The following CAMSAP1 variants were observed in gnomAD, a reference collection of about 807,000 sequenced individuals.
CAMSAP1 encodes the protein calmodulin regulated spectrin associated protein 1, also known as calmodulin-regulated spectrin-associated protein 1.
A neutral mutation model predicts 143.5 loss-of-function variants in CAMSAP1; 58 were observed. The observed-to-expected ratio is 0.40, with a 90% CI of 0.33 to 0.50. CAMSAP1 has a LOEUF of 0.50. CAMSAP1 is among the 20% of genes least tolerant of loss of function. The pLI, the probability that CAMSAP1 is intolerant of heterozygous loss-of-function variation, is 0.45. For synonymous variants in CAMSAP1, 945 were observed against 859.3 expected, an observed-to-expected ratio of 1.10 and a Z score of -1.74; for missense variants, 1,969 against 2,115.7, an observed-to-expected ratio of 0.93 and a Z score of 1.36.
At chr9:135,862,396 T>G (rs1262953049) in intron 5 of CAMSAP1, 71 bp downstream of exon 5, 1 of 1,432,142 alleles carries the variant, frequency 7.0e-7, no homozygotes, top group Non-Finnish European at 9.4e-7. Context: ...AATATATATG[T>G]GGATCAATGT....
intron 3 of CAMSAP1, among the ~76,000 whole-genome samples, chr9:135,874,478 A>AAGGGG (rs534724683): frequency 4.1e-5 from 4 of 98,230 alleles, no homozygotes; most frequent in African/African-American, 1.7e-4. Context: ...GTCTCAAAAA[A>AAGGGG]GGGGGGGGGG....
At chr9:135,900,432 G>A (rs890509916) in intron 1 of CAMSAP1, among the ~76,000 whole-genome samples, 16 of 152,032 alleles carry the variant, frequency 1.1e-4, no homozygotes, top group African/African-American at 2.9e-4. Context: ...GGTGGCTCAC[G>A]CCTGTAATCC....
intron 3 of CAMSAP1, among the ~76,000 whole-genome samples, chr9:135,876,678 T>C (rs923388483): frequency 3.4e-4 from 52 of 152,188 alleles, no homozygotes; most frequent in Non-Finnish European, 4.4e-4. Context: ...ACTTATCACA[T>C]GACCCAGAGA....
rs567747153 is a variant in CAMSAP1, at chr9:135,906,439, G to A, written c.160+561C>T. Among the ~76,000 whole-genome samples the A allele has an allele frequency of 3.7e-4, 56 of 152,330 alleles. 1 individual carries two copies. In the South Asian group the frequency reaches 9.1e-3, roughly 25 times the overall value. ...AAGCACATTAGGGCCTAACAAACTGGACTGAGTAACAAGGTTACCTAGTTC... is the reference window on the plus strand; with the variant it reads ...AAGCACATTAGGGCCTAACAAACTGAACTGAGTAACAAGGTTACCTAGTTC... On this transcript the variant is annotated intron_variant, in intron 1 of 16. Transcript: ENST00000389532.
chr9:135,869,522 C>A (rs1172229008), intron 3 of CAMSAP1, among the ~76,000 whole-genome samples: 80 of 148,364 alleles, frequency 5.4e-4, no homozygotes, highest in Admixed American at 2.9e-3. Flanking sequence ...AAAAAAAAAA[C>A]AGCCAGAAAA....
intron 14 of CAMSAP1, among the ~76,000 whole-genome samples, chr9:135,816,496 T>G (rs1835234320): frequency 1.3e-5 from 2 of 152,146 alleles, no homozygotes; most frequent in South Asian, 4.1e-4. Context: ...CAGGGAAGTC[T>G]CCACTGAGCA....
At chr9:135,877,115 G>A (rs1837776445) in intron 3 of CAMSAP1, among the ~76,000 whole-genome samples, 1 of 152,168 alleles carries the variant, frequency 6.6e-6, no homozygotes. Context: ...CAGGTGGACA[G>A]ATAAACGAAC....
chr9:135,907,189 G>C lies in CAMSAP1; in HGVS notation c.-30C>G. 1.9e-6 allele frequency: 2 copies of C among 1,066,492 alleles called. No homozygotes were observed. The highest frequency in any genetic ancestry group is 2.3e-6 in the Non-Finnish European group (2 of 882,150). The allele number at this position is 1,066,492 out of a possible 1,614,324, so 66.1% of individuals were successfully genotyped here. ...AGACAAAGGGCTGAGGCGGCGGCCC[G>C]GCCGCAACAAAGGCGCCGCCGCCCC... On this transcript the variant is annotated 5_prime_UTR_variant, in exon 1 of 17. Transcript: ENST00000389532.
rs1474217967 is a variant in CAMSAP1, at chr9:135,815,975, C to A, written c.4302G>T (p.Leu1434=). 1 of 1,613,664 alleles carries A rather than the reference C, an allele frequency of 6.2e-7. No individual in the cohort carries two copies. Among genetic ancestry groups the A allele is most frequent in the Non-Finnish European group, 8.5e-7 (1 of 1,179,904 alleles). The change falls in exon 15 of 17, where the codon CTG becomes CTT. Residue 1434 remains leucine (L), a synonymous_variant. Transcript: ENST00000389532. ...RVESMEALPI[L]SRNPSRSTDR... is the part of the protein sequence containing the mutation. ...CTGTGCTCCTGCTTGGGTTACGGCTCAGTATGGGCAGGGCTTCCATCGATT... is the reference window on the plus strand; with the variant it reads ...CTGTGCTCCTGCTTGGGTTACGGCTAAGTATGGGCAGGGCTTCCATCGATT...
chr9:135,868,609 A>ATTT (rs767495608), intron 3 of CAMSAP1, among the ~76,000 whole-genome samples: 25 of 93,476 alleles, frequency 2.7e-4, no homozygotes, highest in African/African-American at 6.0e-4. Context: ...GAGATTGGCA[A>ATTT]TTTTTTTTTT....
chr9:135,879,094 G>A (rs890654685), intron 3 of CAMSAP1, among the ~76,000 whole-genome samples: 1 of 152,170 alleles, frequency 6.6e-6, no homozygotes, highest in African/African-American at 2.4e-5. Flanking sequence ...GGAATGAGGA[G>A]GAGGGGAGTG....
rs1835301166 is a variant in CAMSAP1 at position 135,818,054 on chromosome 9, T to G, written c.4194A>C (p.Ser1398=). The change falls in exon 14 of 17, where the codon TCA becomes TCC. Residue 1398 remains serine, a synonymous_variant. Coordinates refer to ENST00000389532, the MANE Select transcript of CAMSAP1 (RefSeq NM_015447.4). The surrounding 1 kb of genome is among the most constrained non-coding windows in gnomAD (Gnocchi z 7.7). ...CAGAGGCCAAGGACAGGCTGGAGCC[T>G]GACTGAGTCCGGCTCAAGTTATCAG... ...STPDNLSRTQ[S]GSSLSLASAA... The G allele has an allele frequency of 6.2e-7, 1 of 1,613,770 alleles. No homozygotes were observed. The highest frequency in any genetic ancestry group is 8.5e-7 in the Non-Finnish European group (1 of 1,179,834).
At position 135,818,014 on chromosome 9, in the gene CAMSAP1, G is replaced by A. The variant is rs1459047387; in HGVS notation, c.4234C>T (p.Pro1412Ser). The A allele has an allele frequency of 6.2e-7, 1 of 1,613,820 alleles. No homozygotes were observed. The highest frequency in any genetic ancestry group is 8.5e-7 in the Non-Finnish European group (1 of 1,179,894). Reference sequence around the variant, plus strand: ...GTGCCCCCGGAATGAACGCTCTCGGGTTCTGTCGTCGCCGCAGAGGCCAAG... The same window carrying A: ...GTGCCCCCGGAATGAACGCTCTCGGATTCTGTCGTCGCCGCAGAGGCCAAG... ...LSLASAATTEPESVHSGGTPS... is the reference protein window; with the variant it reads ...LSLASAATTESESVHSGGTPS... Residue 1412 changes from proline to serine, a missense_variant, in exon 14 of 17, where the codon CCC becomes TCC. Coordinates refer to ENST00000389532, the MANE Select transcript of CAMSAP1 (RefSeq NM_015447.4). The surrounding 1 kb of genome is among the most constrained non-coding windows in gnomAD (Gnocchi z 7.7).
In CAMSAP1 at chr9:135,862,570, T is replaced by A. The variant is rs749190056; in HGVS notation, c.705A>T (p.Ser235=). The change falls in exon 5 of 17, where the codon TCA becomes TCT. Residue 235 remains serine, a synonymous_variant. Transcript: ENST00000389532. ...AATCCTCCAACAACGGGAAGTAGGGTGACTGCCTAGCAGAAAGGTGCTCTC... is the reference window on the plus strand; with the variant it reads ...AATCCTCCAACAACGGGAAGTAGGGAGACTGCCTAGCAGAAAGGTGCTCTC... ...YRREHLSARQ[S]PYFPLLEDLM... 2 of 1,551,522 alleles carry A rather than the reference T, an allele frequency of 1.3e-6. No individual in the cohort carries two copies. Among genetic ancestry groups the A allele is most frequent in the South Asian group, 2.4e-5 (2 of 84,050 alleles).
chr9:135,887,867 T>A (rs1838174668), intron 1 of CAMSAP1, among the ~76,000 whole-genome samples: 1 of 152,150 alleles, frequency 6.6e-6, no homozygotes, highest in Admixed American at 6.5e-5. Flanking sequence ...CTGTCACTCC[T>A]CGGACTGCTA....
intron 16 of CAMSAP1, 41 bp downstream of exon 16, chr9:135,815,056 T>C: frequency 1.4e-6 from 2 of 1,394,304 alleles, no homozygotes; most frequent in South Asian, 2.4e-5. Flanking sequence ...ATAAACACTT[T>C]TTATTCCACA....
intron 4 of CAMSAP1, among the ~76,000 whole-genome samples, chr9:135,863,869 C>T (rs919561374): frequency 7.9e-5 from 12 of 152,030 alleles, no homozygotes; most frequent in Admixed American, 2.0e-4. Context: ...ACAGCAGACA[C>T]GTGAGGGGGG....
chr9:135,846,682 C>CAAAAAAAAAAAAAAAAAAAAATAAA (rs1836565824), intron 7 of CAMSAP1, among the ~76,000 whole-genome samples: 1 of 53,698 alleles, frequency 1.9e-5, no homozygotes, highest in Non-Finnish European at 4.3e-5. Flanking sequence ...ACAAATTTAC[C>CAAAAAAAAAAAAAAAAAAAAATAAA]AAAAAAAAAA....
chr9:135,823,970 G>T lies in CAMSAP1; in HGVS notation c.1380C>A (p.Ala460=). 1 of 1,585,600 alleles carries T rather than the reference G, an allele frequency of 6.3e-7. No individual in the cohort carries two copies. The part of the protein sequence containing the change: ...VDGQPRGAAI[A]WPEKKTRPAS... ...CTCACCTGGTTTTTTTTTCTGGCCAGGCTATTGCTGCTCCTCGAGGCTGAC... is the reference window on the plus strand; with the variant it reads ...CTCACCTGGTTTTTTTTTCTGGCCATGCTATTGCTGCTCCTCGAGGCTGAC... The change falls in exon 10 of 17, where the codon GCC becomes GCA. Residue 460 remains alanine, a synonymous_variant. Coordinates refer to ENST00000389532, the MANE Select transcript of CAMSAP1 (RefSeq NM_015447.4).
Sources: allele counts gnomAD v4.1 joint callset (sites outside exome capture counted in the v4.1 genomes callset), GRCh38; gene constraint gnomAD v4.1.1; non-coding constraint Gnocchi (gnomAD v3.1); transcripts MANE v1.5; gene names NCBI Gene and HGNC (gene_info 2026-07-23, HGNC 2026-07-21).